Variants in NR2C2 observed in about 807,000 individuals in gnomAD.
NR2C2 encodes Nuclear hormone receptor TR4.
In NR2C2, 6 loss-of-function variants were observed where a neutral mutation model predicts 62.9. The ratio of observed to expected loss-of-function variants is 0.10; its 90% CI spans 0.05 to 0.19. NR2C2 has a LOEUF of 0.19. Among genes scored for constraint, NR2C2 ranks in the 10% least tolerant of loss-of-function variants. The probability of loss-of-function intolerance (pLI) is 1.00; values close to 1 mark genes in which losing one functional copy is unlikely to be tolerated. For missense variants in NR2C2, 479 were observed against 762.7 expected, an observed-to-expected ratio of 0.63 and a Z score of 4.38; for synonymous variants, 272 against 273.8, an observed-to-expected ratio of 0.99 and a Z score of 0.07.
intron 13 of NR2C2, among the ~76,000 whole-genome samples, chr3:15,040,857 T>G (rs192020790): frequency 1.9e-4 from 29 of 152,336 alleles, no homozygotes; most frequent in African/African-American, 5.5e-4. Flanking sequence ...ACAGTCAGGT[T>G]GTCCTCCTAG....
At position 15,045,674 on chromosome 3, in the gene NR2C2, C is replaced by T. The variant is rs564795031; in HGVS notation, c.*2666C>T. On this transcript the variant is annotated 3_prime_UTR_variant, in exon 14 of 14. Coordinates refer to ENST00000425241, the MANE Select transcript of NR2C2 (RefSeq NM_001291694.2). ...TGTCAGGTTGGTTAAGTAAAGTCAG[C>T]CCAAAGTCAAGAATTACTTAAAGAG... The T allele has an allele frequency of 2.6e-5, 4 of 152,786 alleles. No individual in the cohort carries two copies. In the South Asian group the frequency reaches 8.3e-4, roughly 32 times the overall value. 9.5% of individuals were successfully genotyped at this position (152,786 alleles called of 1,614,324 possible).
intron 1 of NR2C2, among the ~76,000 whole-genome samples, chr3:14,992,551 C>A (rs752685341): frequency 3.7e-4 from 57 of 152,048 alleles, no homozygotes; most frequent in Non-Finnish European, 7.1e-4. Context: ...TGGGAATAAA[C>A]AGAGAAATAG....
intron 1 of NR2C2, among the ~76,000 whole-genome samples, chr3:14,979,711 AT>A (rs1373074274): frequency 1.3e-5 from 2 of 152,078 alleles, no homozygotes; most frequent in Non-Finnish European, 2.9e-5. Context: ...TAAAGGAATA[AT>A]GAAGAGTCCT....
chr3:14,973,944 G>A lies in NR2C2; in HGVS notation c.-40+26038G>A, dbSNP rs545267995. Among the ~76,000 whole-genome samples the A allele has an allele frequency of 2.6e-5, 4 of 152,246 alleles. No homozygotes were observed. In the East Asian group the frequency reaches 7.7e-4, roughly 29 times the overall value. On this transcript the variant is annotated intron_variant, in intron 1 of 13. Transcript: ENST00000425241. ...TATAACCCAGTAAACCAATCATAAA[G>A]TCAAAAAATTACAAGTCAGATCATC...
intron 1 of NR2C2, among the ~76,000 whole-genome samples, chr3:14,988,737 A>G (rs924900204): frequency 6.6e-6 from 1 of 151,884 alleles, no homozygotes; most frequent in Non-Finnish European, 1.5e-5. Context: ...TCCCCTCTTG[A>G]TTAATTTTTT....
intron 8 of NR2C2, among the ~76,000 whole-genome samples, chr3:15,029,508 C>T (rs936709887): frequency 3.3e-5 from 5 of 152,110 alleles, no homozygotes; most frequent in East Asian, 3.8e-4. Context: ...ATCTAGGTAC[C>T]GTGGAAAGTG....
In NR2C2 at chr3:15,016,357, C is replaced by A. The variant is rs749548165; in HGVS notation, c.376+103C>A. 1.7e-5 allele frequency: 13 copies of A among 754,238 alleles called. No homozygotes were observed. The South Asian group carries it at 2.2e-4, about 13-fold the overall frequency. The allele number at this position is 754,238 out of a possible 1,614,324, so 46.7% of individuals were successfully genotyped here. On this transcript the variant is annotated intron_variant, in intron 4 of 13. Coordinates refer to ENST00000425241, the MANE Select transcript of NR2C2 (RefSeq NM_001291694.2). Reference sequence around the variant, plus strand: ...TAATTTAGAAGGACCATTTTATGTACGTTTGTAGGTTTCACATGTGAATTC... The same window carrying A: ...TAATTTAGAAGGACCATTTTATGTAAGTTTGTAGGTTTCACATGTGAATTC...
At position 15,045,697 on chromosome 3, in the gene NR2C2, G is replaced by C. The variant is rs990899979; in HGVS notation, c.*2689G>C. 6.5e-6 allele frequency: 1 copy of C among 152,674 alleles called. No homozygotes were observed. The highest frequency in any genetic ancestry group is 1.5e-5 in the Non-Finnish European group (1 of 68,044). The allele number at this position is 152,674 out of a possible 1,614,324, so 9.5% of individuals were successfully genotyped here. A position where few individuals can be genotyped will look rare whatever the true frequency, so the allele number is the denominator to read the frequency against. On this transcript the variant is annotated 3_prime_UTR_variant, in exon 14 of 14. Coordinates refer to ENST00000425241, the MANE Select transcript of NR2C2 (RefSeq NM_001291694.2). ...AGCCCAAAGTCAAGAATTACTTAAA[G>C]AGATGCAAACCAAATATTTGGGCTC...
chr3:14,988,106 G>C (rs2040560169), intron 1 of NR2C2, among the ~76,000 whole-genome samples: 1 of 152,260 alleles, frequency 6.6e-6, no homozygotes, highest in Admixed American at 6.5e-5. Context: ...TATATAGACA[G>C]ACAGGTAAAC....
chr3:14,954,090 A>C (rs1489995416), intron 1 of NR2C2, among the ~76,000 whole-genome samples: 1 of 152,120 alleles, frequency 6.6e-6, no homozygotes, highest in African/African-American at 2.4e-5. Context: ...GGTGTCTGTA[A>C]TGATGCATCT....
intron 1 of NR2C2, among the ~76,000 whole-genome samples, chr3:14,973,760 T>G (rs1182829926): frequency 2.0e-5 from 3 of 152,134 alleles, no homozygotes; most frequent in East Asian, 1.9e-4. Context: ...TATTTCTGGC[T>G]CTCTCTCCTT....
At chr3:14,958,960 G>T (rs2039608832) in intron 1 of NR2C2, among the ~76,000 whole-genome samples, 1 of 152,228 alleles carries the variant, frequency 6.6e-6, no homozygotes, top group Admixed American at 6.5e-5. Context: ...TGGCGACAGA[G>T]CAAGACTCCG....
chr3:14,993,786 A>G (rs1218297583), intron 1 of NR2C2, among the ~76,000 whole-genome samples: 3 of 152,196 alleles, frequency 2.0e-5, no homozygotes, highest in Admixed American at 1.3e-4. Flanking sequence ...TGCCAGTGTG[A>G]CCCATGCCCC....
intron 1 of NR2C2, among the ~76,000 whole-genome samples, chr3:14,974,031 C>T (rs897738801): frequency 6.6e-6 from 1 of 152,222 alleles, no homozygotes; most frequent in Non-Finnish European, 1.5e-5. Flanking sequence ...TGTTGTACAA[C>T]AGATCTTCAC....
chr3:14,978,740 G>A (rs1440302987), intron 1 of NR2C2, among the ~76,000 whole-genome samples: 1 of 152,194 alleles, frequency 6.6e-6, no homozygotes, highest in African/African-American at 2.4e-5. Context: ...GTTTACTTCT[G>A]TGAAAACCGA....
At chr3:14,961,512 A>G (rs892277490) in intron 1 of NR2C2, among the ~76,000 whole-genome samples, 1 of 152,210 alleles carries the variant, frequency 6.6e-6, no homozygotes, top group African/African-American at 2.4e-5. Flanking sequence ...TGGGACCTAT[A>G]CAGTCAATAG....
chr3:14,948,482 C>T (rs1230732254), intron 1 of NR2C2: 1 of 152,260 alleles, frequency 6.6e-6, no homozygotes, highest in Non-Finnish European at 1.5e-5. Context: ...GCACCGCCCC[C>T]CTAAGCTTTG....
Position 15,001,318 on chromosome 3 carries a change from GTTTTT to G in NR2C2, c.-39-2542_-39-2538del, listed in dbSNP as rs61017075. Among the ~76,000 whole-genome samples, 189 of 97,516 alleles carry G rather than the reference GTTTTT, an allele frequency of 1.9e-3. 3 individuals are homozygous for G. Among genetic ancestry groups the G allele is most frequent in the African/African-American group, 6.7e-3 (176 of 26,090 alleles). 64.0% of individuals were successfully genotyped at this position (97,516 alleles called of 152,430 possible). A position where few individuals can be genotyped will look rare whatever the true frequency, so the allele number is the denominator to read the frequency against. On this transcript the variant is annotated intron_variant, in intron 1 of 13. Transcript: ENST00000425241. ...ATTGATTATTGTGTTTTTGTTTTGG[GTTTTT>G]TTTTTTTTTTTTTTTGGTTTTTTTT...
intron 13 of NR2C2, among the ~76,000 whole-genome samples, chr3:15,042,254 A>G (rs1030340635): frequency 2.6e-5 from 4 of 152,172 alleles, no homozygotes; most frequent in Non-Finnish European, 4.4e-5. Context: ...AATGAAAGCT[A>G]TTTTACTGCT....
Sources: gnomAD v4.1 joint callset for allele counts (sites outside exome capture counted in the v4.1 genomes callset) on GRCh38, gnomAD v4.1.1 for gene constraint, MANE v1.5 for transcripts, NCBI Gene and HGNC (gene_info 2026-07-23, HGNC 2026-07-21) for gene names.